Variants in IL1R2 observed in about 807,000 individuals in gnomAD.
IL1R2 encodes interleukin 1 receptor type 2, also known as interleukin-1 receptor type 2.
IL1R2 carries 46 observed loss-of-function variants against 39.5 expected under a neutral mutation model. The ratio of observed to expected loss-of-function variants is 1.16; its 90% CI spans 0.92 to 1.49. The LOEUF (loss-of-function observed/expected upper bound fraction) is 1.49, where lower values mean the gene tolerates loss of function less well. IL1R2 is among the 40% of genes most tolerant of loss of function. The pLI is 0.00. For missense variants in IL1R2, 537 were observed against 502.0 expected (o/e 1.07, Z -0.67); for synonymous variants, 207 against 189.6 (o/e 1.09, Z -0.75).
chr2:102,012,665 T>TGAA (rs1676717049), intron 3 of IL1R2, among the ~76,000 whole-genome samples: 1 of 152,198 alleles, frequency 6.6e-6, no homozygotes. Flanking sequence ...ACAGGTTTAA[T>TGAA]CCTGTCAATG....
At chr2:102,002,664 C>T (rs1461547162) in intron 1 of IL1R2, among the ~76,000 whole-genome samples, 1 of 151,986 alleles carries the variant, frequency 6.6e-6, no homozygotes, top group Non-Finnish European at 1.5e-5. Flanking sequence ...ATGTCTATGT[C>T]TAAGTCTAGG....
At chr2:102,014,318 G>C (rs1676855073) in intron 3 of IL1R2, among the ~76,000 whole-genome samples, 1 of 152,122 alleles carries the variant, frequency 6.6e-6, no homozygotes, top group South Asian at 2.1e-4. Context: ...ATGGGGGCTG[G>C]ACTATAAGTG....
intron 4 of IL1R2, among the ~76,000 whole-genome samples, chr2:102,017,126 G>A (rs1677054256): frequency 6.6e-6 from 1 of 152,058 alleles, no homozygotes; most frequent in African/African-American, 2.4e-5. Context: ...AGCTGGGCGT[G>A]GTGGCTCACA....
At chr2:102,027,066 C>T (rs1339471769) in intron 8 of IL1R2, among the ~76,000 whole-genome samples, 7 of 152,214 alleles carry the variant, frequency 4.6e-5, no homozygotes, top group Non-Finnish European at 8.8e-5. Flanking sequence ...AACTTTCCTC[C>T]AACTGTGCGC....
At chr2:102,012,583 G>T (rs1392568626) in intron 3 of IL1R2, among the ~76,000 whole-genome samples, 1 of 151,822 alleles carries the variant, frequency 6.6e-6, no homozygotes. Context: ...GTGAAATTAA[G>T]AATCTTTTCA....
At position 102,008,656 on chromosome 2, in the gene IL1R2, C is replaced by A; in HGVS notation, c.67+14C>A. 6.2e-7 allele frequency: 1 copy of A among 1,609,518 alleles called. No individual in the cohort carries two copies. The highest frequency in any genetic ancestry group is 8.5e-7 in the Non-Finnish European group (1 of 1,175,898). On this transcript the variant is annotated intron_variant, in intron 2 of 8. Transcript: ENST00000332549. ...CGGCACACACAGGTTAGAAGTAAACCTTTCAGATGCAAAAAGGCTTGCCTG... is the reference window on the plus strand; with the variant it reads ...CGGCACACACAGGTTAGAAGTAAACATTTCAGATGCAAAAAGGCTTGCCTG...
intron 3 of IL1R2, among the ~76,000 whole-genome samples, chr2:102,012,475 C>G (rs187474995): frequency 1.5e-3 from 235 of 152,054 alleles, no homozygotes; most frequent in Non-Finnish European, 2.5e-3. Flanking sequence ...CAGTCCTAGG[C>G]TGGGTGTGTG....
chr2:102,022,452 A>G (rs1270216943), intron 6 of IL1R2, among the ~76,000 whole-genome samples: 1 of 152,216 alleles, frequency 6.6e-6, no homozygotes, highest in African/African-American at 2.4e-5. Flanking sequence ...TTGGTTAGAA[A>G]TGGCATAATC....
chr2:102,025,521 A>G (rs1336561930), intron 7 of IL1R2, among the ~76,000 whole-genome samples: 1 of 152,210 alleles, frequency 6.6e-6, no homozygotes, highest in Non-Finnish European at 1.5e-5. Context: ...GAACAAAAAT[A>G]TTCCTAGTGG....
rs368861685 is a variant in IL1R2 at position 102,008,571 on chromosome 2, G to C, written c.-5G>C. 514 of 1,613,836 alleles carry C rather than the reference G, an allele frequency of 3.2e-4. No homozygotes were observed. The African/African-American group carries it at 6.3e-3, about 20-fold the overall frequency. The stretch of plus-strand genomic sequence containing the variant: ...TCCCGTGTCCTCTGGAAGTTGTCAG[G>C]AGCAATGTTGCGCTTGTACGTGTTG... On this transcript the variant is annotated 5_prime_UTR_variant, in exon 2 of 9. Transcript: ENST00000332549.
rs370526992 is a variant in IL1R2 at position 102,002,729 on chromosome 2, C to T, written c.-61-5786C>T. 4.0e-3 allele frequency among the ~76,000 whole-genome samples: 81 copies of T among 20,196 alleles called. No individual in the cohort carries two copies. In the South Asian group the frequency reaches 0.042, roughly 10 times the overall value. 13.2% of individuals were successfully genotyped at this position (20,196 alleles called of 152,430 possible). On this transcript the variant is annotated intron_variant, in intron 1 of 8. Transcript: ENST00000332549. ...GTCTATGTCTATGTCTATGCCTATGCCTATGTCTATGTCTATGTCTATATC... is the reference window on the plus strand; with the variant it reads ...GTCTATGTCTATGTCTATGCCTATGTCTATGTCTATGTCTATGTCTATATC...
chr2:102,016,098 T>C, intron 4 of IL1R2, 47 bp downstream of exon 4: 1 of 1,452,298 alleles, frequency 6.9e-7, no homozygotes. Flanking sequence ...TTTTCTTTTT[T>C]TACTAGCCAT....
chr2:102,021,305 C>CTTTTTTTTTTTTTTTTTTTTTT (rs546019141), intron 5 of IL1R2, among the ~76,000 whole-genome samples: 1 of 122,856 alleles, frequency 8.1e-6, no homozygotes, highest in Non-Finnish European at 1.7e-5. Context: ...CTTTTCTTTT[C>CTTTTTTTTTTTTTTTTTTTTTT]TTTTTTTTTT....
At position 102,022,238 on chromosome 2, in the gene IL1R2, C is replaced by A; in HGVS notation, c.740C>A (p.Ser247Ter). 1 of 1,613,610 alleles carries A rather than the reference C, an allele frequency of 6.2e-7. No individual in the cohort carries two copies. Among genetic ancestry groups the A allele is most frequent in the Non-Finnish European group, 8.5e-7 (1 of 1,179,496 alleles). Residue 247 changes from serine (S) to a stop codon, truncating the protein, a stop_gained, in exon 6 of 9, where the codon TCA becomes TAA. Coordinates refer to ENST00000332549, the MANE Select transcript of IL1R2 (RefSeq NM_004633.4). LOFTEE classifies it high-confidence loss of function. The stretch of plus-strand genomic sequence containing the variant: ...ATCATTTCCCCCCTCAAGACCATAT[C>A]AGCTTCTCTGGGTAAGGCCCACAAG... ...PVIISPLKTI[S>*]ASLGSRLTIP... is the part of the protein sequence containing the mutation.
At chr2:102,024,498 T>C (rs1303504445) in intron 6 of IL1R2, 35 bp from the exon 7 acceptor site, 1 of 1,539,646 alleles carries the variant, frequency 6.5e-7, no homozygotes, top group African/African-American at 1.4e-5. Flanking sequence ...AGGTGCTGGT[T>C]CTGCAGTTGA....
At chr2:102,007,423 A>G (rs719249) in intron 1 of IL1R2, among the ~76,000 whole-genome samples, 18,329 of 152,174 alleles carry the variant, frequency 0.12, 1,306 homozygotes, top group East Asian at 0.32. Context: ...CTCTCTGACA[A>G]GTGAAATATG....
intron 1 of IL1R2, among the ~76,000 whole-genome samples, chr2:102,002,353 T>TGTGTCTGTGTCA (rs61142063): frequency 5.4e-5 from 8 of 147,326 alleles, no homozygotes; most frequent in African/African-American, 1.8e-4. Context: ...CGGGTGTGTC[T>TGTGTCTGTGTCA]GTGTCTGTGT....
chr2:102,022,147 G>T (rs747093682), intron 5 of IL1R2, 40 bp from the exon 6 acceptor site: 8 of 1,535,172 alleles, frequency 5.2e-6, no homozygotes, highest in Admixed American at 1.7e-5. Context: ...TCAAATGAAG[G>T]CTTTCCTAAC....
chr2:102,004,728 G>C (rs985280811), intron 1 of IL1R2, among the ~76,000 whole-genome samples: 1 of 152,144 alleles, frequency 6.6e-6, no homozygotes, highest in African/African-American at 2.4e-5. Flanking sequence ...TGTTTCCCAC[G>C]CTACAGCAAT....
Sources: allele counts gnomAD v4.1 joint callset (sites outside exome capture counted in the v4.1 genomes callset), GRCh38; gene constraint gnomAD v4.1.1; transcripts MANE v1.5; gene names NCBI Gene and HGNC (gene_info 2026-07-23, HGNC 2026-07-21).